The following DCBLD1 variants were observed in gnomAD, a reference collection of about 807,000 sequenced individuals.
The protein encoded by DCBLD1 is discoidin, CUB and LCCL domain containing 1, also known as discoidin, CUB and LCCL domain-containing protein 1.
DCBLD1 carries 57 observed loss-of-function variants against 71.5 expected under a neutral mutation model. The observed-to-expected ratio is 0.80, with a 90% CI of 0.64 to 0.99. DCBLD1 has a LOEUF of 0.99. Among genes scored for constraint, DCBLD1 ranks in the 50% least tolerant of loss-of-function variants. DCBLD1 has a pLI of 0.00. For synonymous variants in DCBLD1, 380 were observed against 363.8 expected (o/e 1.04, Z -0.51); for missense variants, 891 against 923.5 (o/e 0.96, Z 0.46).
At chr6:117,561,458 G>A (rs544486063) in intron 14 of DCBLD1, 29 of 221,462 alleles carry the variant, frequency 1.3e-4, no homozygotes, top group East Asian at 6.6e-5. Context: ...AAAGGTTTTC[G>A]GGTCTGCTAC....
At chr6:117,543,100 G>A (rs770853264) in intron 11 of DCBLD1, 24 bp from the exon 12 acceptor site, 13 of 1,597,500 alleles carry the variant, frequency 8.1e-6, no homozygotes, top group South Asian at 4.4e-5. Flanking sequence ...ATGTTGTAAC[G>A]TGATGGCTTT....
Position 117,548,477 on chromosome 6 carries a change from C to G in DCBLD1, c.*38C>G. ...AGAAGCCTGCTGTGGTACTGAGCGT[C>G]GGGCTGTCACAAGGCACTGGAAGAA... is the stretch of plus-strand genomic sequence containing the variant. On this transcript the variant is annotated 3_prime_UTR_variant, in exon 15 of 15. Coordinates refer to ENST00000338728, the MANE Select transcript of DCBLD1 (RefSeq NM_001366458.2). 6.5e-7 allele frequency: 1 copy of G among 1,548,012 alleles called. No individual in the cohort carries two copies. The highest frequency in any genetic ancestry group is 8.7e-7 in the Non-Finnish European group (1 of 1,146,680).
At chr6:117,551,682 C>T (rs1583040341), downstream of DCBLD1, among the ~76,000 whole-genome samples, 1 of 152,156 alleles carries the variant, frequency 6.6e-6, no homozygotes, top group South Asian at 2.1e-4. Flanking sequence ...CCCGGCTTCC[C>T]TTTATTTCTT....
chr6:117,497,652 A>G lies in DCBLD1; in HGVS notation c.113-6115A>G, dbSNP rs1777514564. ...GTTAGTCTCAAGAATTTACTTGTTA[A>G]TATATCTTTCTTCTCTTGACTGGAC... is the stretch of plus-strand genomic sequence containing the variant. On this transcript the variant is annotated intron_variant, in intron 1 of 14. Transcript: ENST00000338728. Among the ~76,000 whole-genome samples, 5 of 152,142 alleles carry G rather than the reference A, an allele frequency of 3.3e-5. No homozygotes were observed. In the South Asian group the frequency reaches 1.0e-3, roughly 32 times the overall value.
At chr6:117,558,550 T>G (rs1423011248) in intron 14 of DCBLD1, among the ~76,000 whole-genome samples, 1 of 152,206 alleles carries the variant, frequency 6.6e-6, no homozygotes, top group African/African-American at 2.4e-5. Context: ...TAAGCAAAGC[T>G]TTATTCACAA....
rs1401246438 is a variant in DCBLD1 at position 117,563,505 on chromosome 6, T to C, written c.1616-6115T>C. 10 of 878,194 alleles carry C rather than the reference T, an allele frequency of 1.1e-5. 1 individual carries two copies. The highest frequency in any genetic ancestry group is 3.4e-5 in the African/African-American group (2 of 59,524). The allele number at this position is 878,194 out of a possible 1,614,324, so 54.4% of individuals were successfully genotyped here. On this transcript the variant is annotated intron_variant, in intron 14 of 14. Coordinates refer to the DCBLD1 transcript ENST00000296955. ...GAGAGGCCAAGGTGGGTGGATAACC[T>C]GAGGTTAGGGGTTCGAGACCAGCCT...
At chr6:117,523,873 G>C (rs903754272) in intron 4 of DCBLD1, among the ~76,000 whole-genome samples, 18 of 152,124 alleles carry the variant, frequency 1.2e-4, no homozygotes, top group African/African-American at 4.3e-4. Context: ...TATGTAAAGT[G>C]GTGTCTATAT....
rs746371750 is a variant in DCBLD1 at position 117,532,259 on chromosome 6, G to A, written c.586-1G>A. The A allele has an allele frequency of 6.3e-7, 1 of 1,594,818 alleles. No individual in the cohort carries two copies. The highest frequency in any genetic ancestry group is 8.5e-7 in the Non-Finnish European group (1 of 1,174,698). ...TGCATAATGATGTTGCTGTGTTTCA[G>A]ACCTCTTTATTGTGCAAAGCTGCCA... On this transcript the variant is annotated splice_acceptor_variant, in intron 5 of 14. Transcript: ENST00000338728. LOFTEE classifies it high-confidence loss of function.
At position 117,541,000 on chromosome 6, in the gene DCBLD1, C is replaced by T. The variant is rs1667403638; in HGVS notation, c.1332C>T (p.Pro444=). 1 of 1,614,058 alleles carries T rather than the reference C, an allele frequency of 6.2e-7. No homozygotes were observed. Among genetic ancestry groups the T allele is most frequent in the African/African-American group, 1.3e-5 (1 of 74,920 alleles). The change falls in exon 11 of 15, where the codon CCC becomes CCT. Residue 444 remains proline (P), a synonymous_variant. Transcript: ENST00000338728. ...TKKEDETITR[P]IPSEETSTGI... Reference sequence around the variant, plus strand: ...AAGAAGATGAGACAATCACAAGGCCCATCCCCTCGGAAGAAACATCCACAG... The same window carrying T: ...AAGAAGATGAGACAATCACAAGGCCTATCCCCTCGGAAGAAACATCCACAG...
chr6:117,499,856 T>TAAAAATAC (rs1777594017), intron 1 of DCBLD1, among the ~76,000 whole-genome samples: 2 of 152,162 alleles, frequency 1.3e-5, no homozygotes, highest in African/African-American at 4.8e-5. Context: ...TCATCTCTAC[T>TAAAAATAC]AAAAATACAA....
In DCBLD1 at chr6:117,538,807, C is replaced by T. The variant is rs750012381; in HGVS notation, c.948C>T (p.Ile316=). The part of the protein sequence containing the change: ...NNHKPREWLE[I]DLGEKKKITG... The stretch of plus-strand genomic sequence containing the variant: ...ACAAACCACGAGAGTGGCTGGAGAT[C>T]GATTTGGGGGAGAAAAAGAAAATAA... Residue 316 remains isoleucine (I), a synonymous_variant, in exon 8 of 15, where the codon ATC becomes ATT. Coordinates refer to ENST00000338728, the MANE Select transcript of DCBLD1 (RefSeq NM_001366458.2). 1.6e-5 allele frequency: 26 copies of T among 1,613,522 alleles called. No homozygotes were observed. Among genetic ancestry groups the T allele is most frequent in the South Asian group, 3.3e-5 (3 of 91,014 alleles).
At chr6:117,563,223 A>C (rs1270250663) in intron 14 of DCBLD1, 5 of 1,599,420 alleles carry the variant, frequency 3.1e-6, no homozygotes, top group African/African-American at 1.3e-5. Flanking sequence ...GAATAGTCTG[A>C]TTAACAATCT....
chr6:117,496,202 A>C (rs1415661352), intron 1 of DCBLD1, among the ~76,000 whole-genome samples: 2 of 151,924 alleles, frequency 1.3e-5, no homozygotes, highest in Non-Finnish European at 2.9e-5. Context: ...AGTTTTATAA[A>C]ACATGGTCAT....
At chr6:117,528,167 A>G (rs1488817140) in intron 5 of DCBLD1, among the ~76,000 whole-genome samples, 1 of 152,218 alleles carries the variant, frequency 6.6e-6, no homozygotes, top group African/African-American at 2.4e-5. Context: ...CAGAAGGAAT[A>G]CATTATAATG....
At chr6:117,553,351 C>G (rs1461946853), downstream of DCBLD1, among the ~76,000 whole-genome samples, 1 of 152,136 alleles carries the variant, frequency 6.6e-6, no homozygotes, top group Non-Finnish European at 1.5e-5. Flanking sequence ...TCCTTCCTTC[C>G]TGTGTCAATG....
At chr6:117,551,162 A>G, downstream of DCBLD1, among the ~76,000 whole-genome samples, 1 of 152,098 alleles carries the variant, frequency 6.6e-6, no homozygotes, top group East Asian at 1.9e-4. Context: ...GGTATTCTGC[A>G]ATTTTACTAC....
rs138639712 is a variant in DCBLD1, at chr6:117,511,210, G to T, written c.325+7231G>T. On this transcript the variant is annotated intron_variant, in intron 2 of 14. Transcript: ENST00000338728. Reference sequence around the variant, plus strand: ...TTGTTCGTCACTTGCTGGAAGAAATGGAAACTTCTCCAGGCCTCTCCACAG... The same window carrying T: ...TTGTTCGTCACTTGCTGGAAGAAATTGAAACTTCTCCAGGCCTCTCCACAG... Among the ~76,000 whole-genome samples, 11 of 152,272 alleles carry T rather than the reference G, an allele frequency of 7.2e-5. No individual in the cohort carries two copies. The East Asian group carries it at 2.1e-3, about 29-fold the overall frequency.
intron 2 of DCBLD1, among the ~76,000 whole-genome samples, chr6:117,518,411 C>T (rs1778276946): frequency 6.6e-6 from 1 of 152,188 alleles, no homozygotes; most frequent in African/African-American, 2.4e-5. Context: ...CTTCTTAGCC[C>T]TCCAAACTGT....
intron 1 of DCBLD1, among the ~76,000 whole-genome samples, chr6:117,489,192 T>C (rs1052160885): frequency 2.6e-5 from 4 of 152,150 alleles, no homozygotes; most frequent in Admixed American, 2.6e-4. Flanking sequence ...CTCAGGAAGC[T>C]TGCGGTCATG....
Sources: gnomAD v4.1 joint callset for allele counts (sites outside exome capture counted in the v4.1 genomes callset) on GRCh38, gnomAD v4.1.1 for gene constraint, MANE v1.5 for transcripts, NCBI Gene and HGNC (gene_info 2026-07-23, HGNC 2026-07-21) for gene names.